EPB41L4B: variants seen among roughly 807,000 people sequenced by gnomAD.
EPB41L4B encodes the protein erythrocyte membrane protein band 4.1 like 4B.
In EPB41L4B, 30 loss-of-function variants were observed where a neutral mutation model predicts 112.5. The observed-to-expected ratio is 0.27, with a 90% CI of 0.20 to 0.36. EPB41L4B has a LOEUF of 0.36. Among genes scored for constraint, EPB41L4B ranks in the 10% least tolerant of loss-of-function variants. The pLI, the probability that EPB41L4B is intolerant of heterozygous loss-of-function variation, is 1.00. For missense variants in EPB41L4B, 1,024 were observed against 1,133.3 expected (o/e 0.90, Z 1.38); for synonymous variants, 408 against 439.7 (o/e 0.93, Z 0.90).
intron 15 of EPB41L4B, among the ~76,000 whole-genome samples, chr9:109,234,086 C>T (rs1834053495): frequency 1.4e-5 from 2 of 138,872 alleles, no homozygotes; most frequent in South Asian, 4.8e-4. Flanking sequence ...TGGATTTTAC[C>T]CATCAGACTA....
At position 109,172,275 on chromosome 9, in the gene EPB41L4B, A is replaced by G. The variant is rs1831657311; in HGVS notation, c.*2279T>C. 6.6e-6 allele frequency: 1 copy of G among 152,194 alleles called. No individual in the cohort carries two copies. 9.4% of individuals were successfully genotyped at this position (152,194 alleles called of 1,614,324 possible). A position where few individuals can be genotyped will look rare whatever the true frequency, so the allele number is the denominator to read the frequency against. The stretch of plus-strand genomic sequence containing the variant: ...CTTCAGCTTTGCCCTGGAGGTTTCC[A>G]TCAGCGAGCAGGAGGTGAAGAGCAG... On this transcript the variant is annotated 3_prime_UTR_variant, in exon 26 of 26. Coordinates refer to ENST00000374566, the MANE Select transcript of EPB41L4B (RefSeq NM_019114.5).
In EPB41L4B at chr9:109,243,793, G is replaced by C. The variant is rs956757844; in HGVS notation, c.1345-111C>G. The stretch of plus-strand genomic sequence containing the variant: ...CCGAGGGGCTGGGGGACTAAGAATG[G>C]AAAGGCTATAGACCCTGGCTAGGGG... On this transcript the variant is annotated intron_variant, in intron 14 of 25. Coordinates refer to ENST00000374566, the MANE Select transcript of EPB41L4B (RefSeq NM_019114.5). 4.7e-5 allele frequency: 49 copies of C among 1,039,944 alleles called. No homozygotes were observed. In the African/African-American group the frequency reaches 7.3e-4, roughly 16 times the overall value. The allele number at this position is 1,039,944 out of a possible 1,614,324, so 64.4% of individuals were successfully genotyped here. A position where few individuals can be genotyped will look rare whatever the true frequency, so the allele number is the denominator to read the frequency against.
intron 15 of EPB41L4B, among the ~76,000 whole-genome samples, chr9:109,225,260 C>T (rs1833718027): frequency 6.6e-6 from 1 of 152,208 alleles, no homozygotes. Context: ...AAGGCCAGCT[C>T]TTGTGCCTGG....
At chr9:109,211,045 G>T (rs1833148230) in intron 17 of EPB41L4B, among the ~76,000 whole-genome samples, 1 of 152,166 alleles carries the variant, frequency 6.6e-6, no homozygotes, top group Non-Finnish European at 1.5e-5. Context: ...AATCTGATGA[G>T]AATTAAATTC....
chr9:109,213,759 C>T lies in EPB41L4B; in HGVS notation c.1693G>A (p.Glu565Lys). 6.2e-7 allele frequency: 1 copy of T among 1,614,122 alleles called. No individual in the cohort carries two copies. The highest frequency in any genetic ancestry group is 8.5e-7 in the Non-Finnish European group (1 of 1,180,028). The change falls in exon 17 of 26, where the codon GAA (glutamate) becomes AAA (lysine). Residue 565 changes from glutamate (E) to lysine (K), a missense_variant. Transcript: ENST00000374566. ...CCAGCAGCCTTCACAGTTTCCAGTT[C>T]CAGCTTCTTTAGATGGGCAGCGGCT... Reference protein sequence around the residue: ...SEAAAHLKKLELETVKAAGPW... With the variant: ...SEAAAHLKKLKLETVKAAGPW...
chr9:109,305,215 T>C (rs1239799362), intron 1 of EPB41L4B, among the ~76,000 whole-genome samples: 1 of 46,524 alleles, frequency 2.1e-5, no homozygotes, highest in East Asian at 5.7e-4. Flanking sequence ...GGTGGGGTGG[T>C]GGGGTGGGAG....
At chr9:109,239,269 T>G (rs1398410633) in intron 15 of EPB41L4B, among the ~76,000 whole-genome samples, 2 of 152,156 alleles carry the variant, frequency 1.3e-5, no homozygotes, top group African/African-American at 4.8e-5. Flanking sequence ...GAGTTGTAGA[T>G]GATGTATACA....
chr9:109,220,733 CTG>C (rs1471173441), intron 15 of EPB41L4B, among the ~76,000 whole-genome samples: 1 of 151,994 alleles, frequency 6.6e-6, no homozygotes, highest in Non-Finnish European at 1.5e-5. Flanking sequence ...AAGGACGGTT[CTG>C]TGTGTGTGCG....
chr9:109,275,169 C>T (rs1280858570), intron 2 of EPB41L4B, among the ~76,000 whole-genome samples: 1 of 152,182 alleles, frequency 6.6e-6, no homozygotes, highest in Non-Finnish European at 1.5e-5. Context: ...CAGGGCTGGG[C>T]AGGGCACTAT....
At chr9:109,256,363 C>T (rs763742296) in intron 8 of EPB41L4B, 30 bp downstream of exon 8, 2 of 1,608,182 alleles carry the variant, frequency 1.2e-6, no homozygotes, top group South Asian at 2.2e-5. Context: ...AACAGCAAAA[C>T]CAAATTACTT....
chr9:109,267,489 G>A lies in EPB41L4B; in HGVS notation c.517C>T (p.Arg173Cys), dbSNP rs267602080. The A allele has an allele frequency of 3.7e-6, 6 of 1,613,054 alleles. No homozygotes were observed. Among genetic ancestry groups the A allele is most frequent in the African/African-American group, 1.3e-5 (1 of 74,898 alleles). The change falls in exon 4 of 26, where the codon CGT (arginine) becomes TGT (cysteine). Residue 173 changes from arginine (R) to cysteine (C), a missense_variant. Arg to Cys is a radical substitution (Grantham distance 180). Coordinates refer to ENST00000374566, the MANE Select transcript of EPB41L4B (RefSeq NM_019114.5). ...GTGGCCTACCTTGTAAACTCCTCAC[G>A]AAGGTTGTTTGGTTCTGAAGAATAG... ...KYYSSEPNNL[R>C]EEFTRYLFVL... is the part of the protein sequence containing the mutation.
chr9:109,216,701 T>A (rs1272315428), intron 16 of EPB41L4B, among the ~76,000 whole-genome samples: 5 of 151,244 alleles, frequency 3.3e-5, no homozygotes, highest in African/African-American at 1.2e-4. Context: ...ACTGTGACCC[T>A]ATAATGAAAT....
chr9:109,308,480 G>A (rs1209398299), intron 1 of EPB41L4B, among the ~76,000 whole-genome samples: 1 of 152,206 alleles, frequency 6.6e-6, no homozygotes, highest in Non-Finnish European at 1.5e-5. Flanking sequence ...AAGGTTTTTA[G>A]GTTAAGAGTC....
intron 21 of EPB41L4B, among the ~76,000 whole-genome samples, chr9:109,192,726 G>A (rs185891417): frequency 6.6e-6 from 1 of 152,158 alleles, no homozygotes; most frequent in African/African-American, 2.4e-5. Flanking sequence ...GGGTCCTCCA[G>A]GAGCTAAACT....
intron 2 of EPB41L4B, among the ~76,000 whole-genome samples, chr9:109,279,299 C>G (rs1194793083): frequency 6.6e-6 from 1 of 151,946 alleles, no homozygotes; most frequent in Non-Finnish European, 1.5e-5. Context: ...TCACTGCAGC[C>G]TTGACCATCT....
chr9:109,252,333 A>G (rs977700904), intron 12 of EPB41L4B, among the ~76,000 whole-genome samples: 1 of 152,176 alleles, frequency 6.6e-6, no homozygotes, highest in South Asian at 2.1e-4. Context: ...AATCCTCCTC[A>G]TGGAACAGAA....
chr9:109,318,975 G>A (rs1837736826), intron 1 of EPB41L4B, among the ~76,000 whole-genome samples: 2 of 152,182 alleles, frequency 1.3e-5, no homozygotes, highest in Admixed American at 1.3e-4. Context: ...CTCTCATGAA[G>A]TCCAAACATT....
chr9:109,266,275 C>T lies in EPB41L4B; in HGVS notation c.533+1198G>A, dbSNP rs1452963626. Among the ~76,000 whole-genome samples the T allele has an allele frequency of 4.6e-5, 7 of 152,212 alleles. No individual in the cohort carries two copies. The East Asian group carries it at 1.4e-3, about 29-fold the overall frequency. On this transcript the variant is annotated intron_variant, in intron 4 of 25. Coordinates refer to ENST00000374566, the MANE Select transcript of EPB41L4B (RefSeq NM_019114.5). The stretch of plus-strand genomic sequence containing the variant: ...CCTGTGGTCCCAGCTACTAGGGAGG[C>T]TGAGGTGGGAGGATCACTTGAGCCT...
chr9:109,316,418 C>T (rs1483371508), intron 1 of EPB41L4B, among the ~76,000 whole-genome samples: 2 of 152,204 alleles, frequency 1.3e-5, no homozygotes, highest in African/African-American at 4.8e-5. Flanking sequence ...GGGATTTAGT[C>T]AACAGAGAGC....
Sources: gnomAD v4.1 joint callset for allele counts (sites outside exome capture counted in the v4.1 genomes callset) on GRCh38, gnomAD v4.1.1 for gene constraint, MANE v1.5 for transcripts, NCBI Gene and HGNC (gene_info 2026-07-23, HGNC 2026-07-21) for gene names.